CCDC7: variants seen among roughly 807,000 people sequenced by gnomAD.
CCDC7 encodes the protein coiled-coil domain-containing protein 7.
In CCDC7, 183 loss-of-function variants were observed where a neutral mutation model predicts 196.9. The ratio of observed to expected loss-of-function variants is 0.93; its 90% CI spans 0.82 to 1.05. The LOEUF (loss-of-function observed/expected upper bound fraction) is 1.05. Among genes scored for constraint, CCDC7 ranks in the 50% least tolerant of loss-of-function variants. The pLI, the probability that CCDC7 is intolerant of heterozygous loss-of-function variation, is 0.00. For missense variants in CCDC7, 1,540 were observed against 1,482.2 expected (o/e 1.04, Z -0.64); for synonymous variants, 525 against 484.6 (o/e 1.08, Z -1.10).
chr10:32,662,591 G>A (rs889173456), intron 20 of CCDC7, among the ~76,000 whole-genome samples: 1 of 152,108 alleles, frequency 6.6e-6, no homozygotes, highest in African/African-American at 2.4e-5. Context: ...AGACCTTATT[G>A]TTGAGCAACT....
intron 40 of CCDC7, among the ~76,000 whole-genome samples, chr10:32,853,092 T>G (rs1488876978): frequency 2.6e-5 from 4 of 152,140 alleles, no homozygotes; most frequent in Non-Finnish European, 5.9e-5. Context: ...GGGGTTCACT[T>G]GTTACTTCAT....
At position 32,517,604 on chromosome 10, in the gene CCDC7, A is replaced by T. The variant is rs372552420; in HGVS notation, c.873-341A>T. Among the ~76,000 whole-genome samples the T allele has an allele frequency of 8.9e-5, 10 of 112,266 alleles. No homozygotes were observed. In the East Asian group the frequency reaches 2.2e-3, roughly 24 times the overall value. The allele number at this position is 112,266 out of a possible 152,430, so 73.7% of individuals were successfully genotyped here. On this transcript the variant is annotated intron_variant, in intron 9 of 41. Transcript: ENST00000639629. The stretch of plus-strand genomic sequence containing the variant: ...GGACACAGGAAGGGGAACATCACAC[A>T]CCGGGGACTGTTATGGGGTGGGGGG...
At chr10:32,830,437 A>C (rs1422173795) in intron 32 of CCDC7, among the ~76,000 whole-genome samples, 1 of 151,912 alleles carries the variant, frequency 6.6e-6, no homozygotes, top group Non-Finnish European at 1.5e-5. Flanking sequence ...AAGCAACAGA[A>C]ACTTTTTATG....
exon 17 of CCDC7, chr10:32,583,191 A>G (rs1176772103): frequency 1.6e-6 from 2 of 1,231,444 alleles, no homozygotes; most frequent in Non-Finnish European, 1.0e-6. Context: ...ATCACTTACA[A>G]CAGTATCATC....
At chr10:32,587,863 T>C (rs188099826) in intron 18 of CCDC7, among the ~76,000 whole-genome samples, 6 of 152,298 alleles carry the variant, frequency 3.9e-5, no homozygotes, top group African/African-American at 1.2e-4. Context: ...TCTTTCACAA[T>C]TGGATATTGT....
intron 22 of CCDC7, among the ~76,000 whole-genome samples, chr10:32,688,158 C>T (rs957408699): frequency 3.3e-5 from 5 of 152,042 alleles, no homozygotes; most frequent in Non-Finnish European, 4.4e-5. Flanking sequence ...ACACTATACA[C>T]GGTGCCACTG....
chr10:32,560,546 C>T (rs2055313513), intron 13 of CCDC7, among the ~76,000 whole-genome samples: 1 of 152,158 alleles, frequency 6.6e-6, no homozygotes, highest in Non-Finnish European at 1.5e-5. Context: ...GAATTTTCAC[C>T]CAGAATTTCA....
exon 2 of CCDC7, chr10:32,453,431 T>C: frequency 6.5e-7 from 1 of 1,532,226 alleles, no homozygotes; most frequent in Non-Finnish European, 8.8e-7. Flanking sequence ...AGAATTATCT[T>C]TATCTGTAAG....
intron 28 of CCDC7, among the ~76,000 whole-genome samples, chr10:32,748,390 A>G (rs548529737): frequency 6.6e-6 from 1 of 152,192 alleles, no homozygotes; most frequent in Non-Finnish European, 1.5e-5. Context: ...ACTTTTGTAC[A>G]TTAACCTTGT....
chr10:32,498,119 G>C (rs1026242679), intron 9 of CCDC7, among the ~76,000 whole-genome samples: 1 of 152,054 alleles, frequency 6.6e-6, no homozygotes, highest in African/African-American at 2.4e-5. Flanking sequence ...AGCTCTTCTT[G>C]CTGCATTGAT....
At chr10:32,865,653 T>C (rs1415859896) in intron 41 of CCDC7, among the ~76,000 whole-genome samples, 2 of 151,774 alleles carry the variant, frequency 1.3e-5, no homozygotes, top group East Asian at 3.9e-4. Context: ...AAATTGTGGG[T>C]TACACAGCTG....
upstream of CCDC7, among the ~76,000 whole-genome samples, chr10:32,450,487 G>A (rs2032750712): frequency 6.6e-6 from 1 of 152,110 alleles, no homozygotes; most frequent in African/African-American, 2.4e-5. Context: ...AAAGTGTAGA[G>A]AGCTTCAGAT....
intron 28 of CCDC7, among the ~76,000 whole-genome samples, chr10:32,749,040 G>C (rs2075265734): frequency 6.6e-6 from 1 of 152,158 alleles, no homozygotes; most frequent in African/African-American, 2.4e-5. Flanking sequence ...CCTCACTGAG[G>C]TTCCAGCAAT....
intron 21 of CCDC7, among the ~76,000 whole-genome samples, chr10:32,672,391 C>T (rs541895868): frequency 4.2e-4 from 64 of 152,262 alleles, no homozygotes; most frequent in African/African-American, 1.3e-3. Flanking sequence ...GCTGTGACAA[C>T]GATTCCCAAT....
intron 25 of CCDC7, among the ~76,000 whole-genome samples, chr10:32,712,733 A>G (rs1007901625): frequency 2.1e-4 from 32 of 152,344 alleles, no homozygotes; most frequent in South Asian, 1.0e-3. Context: ...TGCTATGTCA[A>G]TTGGTACATA....
chr10:32,777,864 A>C (rs1279068246), intron 28 of CCDC7, among the ~76,000 whole-genome samples: 2 of 152,174 alleles, frequency 1.3e-5, no homozygotes, highest in East Asian at 3.9e-4. Flanking sequence ...ACTCCGTCTC[A>C]AAATAATAAT....
intron 18 of CCDC7, among the ~76,000 whole-genome samples, chr10:32,613,784 T>C (rs1455799153): frequency 2.6e-5 from 4 of 152,050 alleles, no homozygotes; most frequent in South Asian, 2.1e-4. Context: ...TCTGTTCTTT[T>C]GCATTTGCTG....
At chr10:32,754,982 C>G (rs2076195058) in intron 28 of CCDC7, among the ~76,000 whole-genome samples, 1 of 152,176 alleles carries the variant, frequency 6.6e-6, no homozygotes, top group Non-Finnish European at 1.5e-5. Context: ...CCCGCGCTGG[C>G]TTGGAGGGTC....
chr10:32,831,864 A>C (rs931046937), intron 32 of CCDC7, among the ~76,000 whole-genome samples: 2 of 152,224 alleles, frequency 1.3e-5, no homozygotes, highest in Non-Finnish European at 2.9e-5. Flanking sequence ...TACTCAAATA[A>C]AAATAAAAAT....
Sources: gnomAD v4.1 joint callset for allele counts (sites outside exome capture counted in the v4.1 genomes callset) on GRCh38, gnomAD v4.1.1 for gene constraint, MANE v1.5 for transcripts, NCBI Gene and HGNC (gene_info 2026-07-23, HGNC 2026-07-21) for gene names.